SH3PXD2B: variants seen among roughly 807,000 people sequenced by gnomAD.
The protein encoded by SH3PXD2B is SH3 and PX domains 2B.
A neutral mutation model predicts 73.1 loss-of-function variants in SH3PXD2B; 37 were observed. The observed-to-expected ratio is 0.51, with a 90% confidence interval of 0.39 to 0.67. The LOEUF is 0.67. Ranked by LOEUF, SH3PXD2B falls within the 30% of genes least tolerant of loss-of-function variation. SH3PXD2B has a pLI of 0.00. For synonymous variants in SH3PXD2B, 457 were observed against 480.5 expected (o/e 0.95, Z 0.64); for missense variants, 1,053 against 1,197.8 (o/e 0.88, Z 1.78).
chr5:172,373,053 G>C, intron 6 of SH3PXD2B, among the ~76,000 whole-genome samples: 1 of 152,242 alleles, frequency 6.6e-6, no homozygotes, highest in Non-Finnish European at 1.5e-5. Flanking sequence ...TTGCTTCTGA[G>C]AGAAGAGTTG....
chr5:172,421,168 G>A lies in SH3PXD2B; in HGVS notation c.156+1248C>T, dbSNP rs143398308. ...AGAAGACACATGTTCAGAAAGCCGG[G>A]CAAGTTCCCAATGTCTCCCGAGGGT... On this transcript the variant is annotated intron_variant, in intron 2 of 12. Transcript: ENST00000311601. The surrounding 1 kb of genome is among the most constrained non-coding windows in gnomAD (Gnocchi z 4.0). Among the ~76,000 whole-genome samples the A allele has an allele frequency of 4.4e-4, 67 of 152,266 alleles. No individual in the cohort carries two copies. Among genetic ancestry groups the A allele is most frequent in the Non-Finnish European group, 7.8e-4 (53 of 68,020 alleles).
Position 172,421,801 on chromosome 5 carries a change from C to A in SH3PXD2B, c.156+615G>T, listed in dbSNP as rs564055062. Among the ~76,000 whole-genome samples, 21 of 152,314 alleles carry A rather than the reference C, an allele frequency of 1.4e-4. No individual in the cohort carries two copies. In the South Asian group the frequency reaches 4.3e-3, roughly 32 times the overall value. On this transcript the variant is annotated intron_variant, in intron 2 of 12. Transcript: ENST00000311601. This position sits in a 1 kb window ranked among gnomAD's most constrained non-coding sequence, Gnocchi z 4.0. Reference sequence around the variant, plus strand: ...AAAAGTCTAGACACACTCAACAAACCCAGCTCACCAGCAAACACGATTATT... The same window carrying A: ...AAAAGTCTAGACACACTCAACAAACACAGCTCACCAGCAAACACGATTATT...
chr5:172,385,408 C>T (rs1581296963), intron 4 of SH3PXD2B, among the ~76,000 whole-genome samples: 1 of 152,180 alleles, frequency 6.6e-6, no homozygotes, highest in East Asian at 1.9e-4. Flanking sequence ...GAAATGGAGG[C>T]TCTGTTGAGG....
chr5:172,329,083 A>ATATATTTTTTTTTTTTTTTT (rs58472514), downstream of SH3PXD2B, among the ~76,000 whole-genome samples: 1 of 61,812 alleles, frequency 1.6e-5, no homozygotes, highest in Admixed American at 2.2e-4. Context: ...ATATATATAT[A>ATATATTTTTTTTTTTTTTTT]TTTTTTTTTT....
intron 6 of SH3PXD2B, among the ~76,000 whole-genome samples, chr5:172,367,882 G>A (rs573037063): frequency 6.6e-5 from 10 of 152,266 alleles, no homozygotes; most frequent in African/African-American, 2.2e-4. Context: ...GTGTTGCATG[G>A]CAGAGCAGCA....
At chr5:172,326,278 A>C (rs571318445) in intron 12 of SH3PXD2B, among the ~76,000 whole-genome samples, 74 of 152,364 alleles carry the variant, frequency 4.9e-4, no homozygotes, top group Admixed American at 2.0e-3. Flanking sequence ...TGAAGTTCTG[A>C]ATAATGCTTA....
intron 12 of SH3PXD2B, chr5:172,325,509 G>A (rs1756431341): frequency 1.6e-6 from 1 of 617,842 alleles, no homozygotes; most frequent in Non-Finnish European, 2.8e-6. Context: ...TAAAGAACAG[G>A]GATTTATTTC....
At chr5:172,352,279 G>A (rs1489918644) in intron 9 of SH3PXD2B, among the ~76,000 whole-genome samples, 3 of 152,120 alleles carry the variant, frequency 2.0e-5, no homozygotes, top group African/African-American at 7.2e-5. Flanking sequence ...GCCTAGGCTG[G>A]AGTGGCACCA....
At chr5:172,424,917 C>T (rs182969802) in intron 1 of SH3PXD2B, among the ~76,000 whole-genome samples, 101 of 152,278 alleles carry the variant, frequency 6.6e-4, no homozygotes, top group Non-Finnish European at 1.1e-3. Context: ...AATGCCTACC[C>T]CATCCCTGCT....
chr5:172,352,867 C>T (rs948944426), intron 9 of SH3PXD2B, among the ~76,000 whole-genome samples: 3 of 152,108 alleles, frequency 2.0e-5, no homozygotes, highest in Admixed American at 1.3e-4. Context: ...ATATCTTTAT[C>T]GGCAGCATGA....
intron 3 of SH3PXD2B, among the ~76,000 whole-genome samples, chr5:172,398,051 T>C (rs1758345128): frequency 6.6e-6 from 1 of 152,240 alleles, no homozygotes; most frequent in Admixed American, 6.5e-5. Flanking sequence ...TTAACTCACT[T>C]GGTTTCTGAA....
rs555890927 is a variant in SH3PXD2B at position 172,337,670 on chromosome 5, C to T, written c.*699G>A. The stretch of plus-strand genomic sequence containing the variant: ...GCCTGCAGCAGCAAAGCGCAGCATA[C>T]GCGGGGCTGGAACCACCCTTCAGGG... On this transcript the variant is annotated 3_prime_UTR_variant, in exon 13 of 13. Transcript: ENST00000311601. 15 of 987,516 alleles carry T rather than the reference C, an allele frequency of 1.5e-5. No individual in the cohort carries two copies. Among genetic ancestry groups the T allele is most frequent in the Middle Eastern group, 5.2e-4 (1 of 1,918 alleles). The allele number at this position is 987,516 out of a possible 1,614,324, so 61.2% of individuals were successfully genotyped here.
intron 6 of SH3PXD2B, among the ~76,000 whole-genome samples, chr5:172,366,595 T>C (rs188341902): frequency 1.4e-3 from 217 of 152,320 alleles, no homozygotes; most frequent in Middle Eastern, 3.4e-3. Flanking sequence ...GTACCAGCCT[T>C]GACCCTGCAA....
chr5:172,330,452 CT>C (rs1428820088), downstream of SH3PXD2B, among the ~76,000 whole-genome samples: 6 of 152,144 alleles, frequency 3.9e-5, no homozygotes, highest in Non-Finnish European at 7.3e-5. Context: ...AACGTTGCCC[CT>C]GATAGATGCT....
At chr5:172,434,951 T>C (rs1190305021) in intron 1 of SH3PXD2B, among the ~76,000 whole-genome samples, 1 of 152,060 alleles carries the variant, frequency 6.6e-6, no homozygotes, top group African/African-American at 2.4e-5. Context: ...GCCCAGCTAA[T>C]TTTTTGTATT....
chr5:172,341,714 T>C (rs916468626), intron 12 of SH3PXD2B, among the ~76,000 whole-genome samples: 1 of 152,174 alleles, frequency 6.6e-6, no homozygotes, highest in African/African-American at 2.4e-5. Context: ...GCAGTGGCAC[T>C]ATCTCGGCTC....
intron 1 of SH3PXD2B, among the ~76,000 whole-genome samples, chr5:172,423,256 AG>A (rs1450800902): frequency 6.6e-6 from 1 of 152,348 alleles, no homozygotes; most frequent in African/African-American, 2.4e-5. Context: ...CTAAGGGCTA[AG>A]GGATCAGCAT....
chr5:172,401,773 C>A (rs563226555), intron 3 of SH3PXD2B, among the ~76,000 whole-genome samples: 5 of 152,166 alleles, frequency 3.3e-5, no homozygotes, highest in Admixed American at 1.3e-4. Context: ...CAACAAATGT[C>A]CATGAAGATT....
intron 3 of SH3PXD2B, among the ~76,000 whole-genome samples, chr5:172,404,780 C>A (rs1758514800): frequency 6.6e-6 from 1 of 152,158 alleles, no homozygotes; most frequent in Non-Finnish European, 1.5e-5. Context: ...CTCCAATTTG[C>A]AAATGAAGTC....
Sources: allele counts gnomAD v4.1 joint callset (sites outside exome capture counted in the v4.1 genomes callset), GRCh38; gene constraint gnomAD v4.1.1; non-coding constraint Gnocchi (gnomAD v3.1); transcripts MANE v1.5; gene names NCBI Gene and HGNC (gene_info 2026-07-23, HGNC 2026-07-21).